WWP2: variants seen among roughly 807,000 people sequenced by gnomAD.
The protein encoded by WWP2 is WW domain containing E3 ubiquitin protein ligase 2.
A neutral mutation model predicts 121.0 loss-of-function variants in WWP2; 57 were observed. The observed-to-expected ratio is 0.47, with a 90% CI of 0.38 to 0.59. WWP2 has a LOEUF of 0.59. Ranked by LOEUF, WWP2 falls within the 20% of genes least tolerant of loss-of-function variation. WWP2 has a pLI of 0.00. For missense variants in WWP2, 962 were observed against 1,158.9 expected, an observed-to-expected ratio of 0.83 and a Z score of 2.47; for synonymous variants, 449 against 441.3, an observed-to-expected ratio of 1.02 and a Z score of -0.22.
At chr16:69,846,862 G>A (rs1054348539) in intron 6 of WWP2, among the ~76,000 whole-genome samples, 1 of 152,066 alleles carries the variant, frequency 6.6e-6, no homozygotes, top group Admixed American at 6.6e-5. Flanking sequence ...CTTTGCCTGG[G>A]TGGTGGCTCC....
chr16:69,909,765 G>T (rs1597146224), intron 9 of WWP2: 2 of 913,900 alleles, frequency 2.2e-6, no homozygotes, highest in African/African-American at 3.6e-5. Context: ...TTATGAAAAT[G>T]TTCTTATTAT....
chr16:69,929,578 C>T, intron 12 of WWP2, 49 bp downstream of exon 12: 1 of 1,541,768 alleles, frequency 6.5e-7, no homozygotes, highest in Non-Finnish European at 9.0e-7. Flanking sequence ...GGTCTCTGTG[C>T]AGCTCCAGCA....
chr16:69,925,623 G>T lies in WWP2; in HGVS notation c.1234+139G>T, dbSNP rs1216676162. On this transcript the variant is annotated intron_variant, in intron 11 of 23. Coordinates refer to ENST00000359154, the MANE Select transcript of WWP2 (RefSeq NM_001270454.2). This position sits in a 1 kb window ranked among gnomAD's most constrained non-coding sequence, Gnocchi z 4.0. Reference sequence around the variant, plus strand: ...CCTCTCCAGCACACTCTCTGGGCATGCCCCACCAGAGCAATTACAGGTGAT... The same window carrying T: ...CCTCTCCAGCACACTCTCTGGGCATTCCCCACCAGAGCAATTACAGGTGAT... The T allele has an allele frequency of 5.0e-6, 6 of 1,193,516 alleles. No individual in the cohort carries two copies. The East Asian group carries it at 1.2e-4, about 25-fold the overall frequency. The allele number at this position is 1,193,516 out of a possible 1,614,324, so 73.9% of individuals were successfully genotyped here. A position where few individuals can be genotyped will look rare whatever the true frequency, so the allele number is the denominator to read the frequency against.
chr16:69,797,356 A>G (rs1264791675), intron 2 of WWP2, among the ~76,000 whole-genome samples: 2 of 152,210 alleles, frequency 1.3e-5, no homozygotes, highest in African/African-American at 2.4e-5. Flanking sequence ...AATATGCAGC[A>G]TGATGTGGAA....
chr16:69,900,834 A>G (rs917713693), intron 8 of WWP2, among the ~76,000 whole-genome samples: 1 of 152,030 alleles, frequency 6.6e-6, no homozygotes, highest in African/African-American at 2.4e-5. Flanking sequence ...AGTGTTGCCA[A>G]CCTCTATTGA....
intron 10 of WWP2, among the ~76,000 whole-genome samples, chr16:69,923,370 T>A (rs2058592556): frequency 6.6e-6 from 1 of 151,848 alleles, no homozygotes; most frequent in South Asian, 2.1e-4. Flanking sequence ...CCAAGGAAAT[T>A]TTTTAAAAAC....
chr16:69,896,217 G>A (rs2058101995), intron 8 of WWP2, among the ~76,000 whole-genome samples: 1 of 152,040 alleles, frequency 6.6e-6, no homozygotes, highest in South Asian at 2.1e-4. Flanking sequence ...AACTTCCTTA[G>A]CTCAAGCAGT....
intron 1 of WWP2, among the ~76,000 whole-genome samples, chr16:69,764,839 T>C (rs1429747964): frequency 6.6e-6 from 1 of 152,208 alleles, no homozygotes; most frequent in Non-Finnish European, 1.5e-5. Context: ...TTTTATGTTA[T>C]AGTAAACGAT....
chr16:69,822,359 C>T (rs1048157059), intron 4 of WWP2, among the ~76,000 whole-genome samples: 1 of 152,170 alleles, frequency 6.6e-6, no homozygotes, highest in Non-Finnish European at 1.5e-5. Context: ...GAGGCTGGCG[C>T]TGAAGTGGTG....
chr16:69,770,858 C>T (rs887401857), intron 1 of WWP2, among the ~76,000 whole-genome samples: 28 of 151,112 alleles, frequency 1.9e-4, no homozygotes, highest in Admixed American at 8.6e-4. Context: ...TGGGGCTGGG[C>T]GTGGTGGCTC....
chr16:69,881,339 T>C (rs2057825826), intron 7 of WWP2, among the ~76,000 whole-genome samples: 1 of 152,216 alleles, frequency 6.6e-6, no homozygotes. Context: ...TCTGTGAGCC[T>C]CAGTTTTGTC....
At chr16:69,775,025 A>G (rs1221007570) in intron 1 of WWP2, 1 of 152,242 alleles carries the variant, frequency 6.6e-6, no homozygotes, top group East Asian at 1.9e-4. Flanking sequence ...TTTATATCAT[A>G]TAAATTTACG....
At chr16:69,865,527 C>G (rs549987950) in intron 6 of WWP2, among the ~76,000 whole-genome samples, 1 of 152,268 alleles carries the variant, frequency 6.6e-6, no homozygotes, top group South Asian at 2.1e-4. Flanking sequence ...GGTACCATAA[C>G]CTGCAGGCAG....
chr16:69,808,015 C>G (rs1744724420), intron 4 of WWP2, among the ~76,000 whole-genome samples: 1 of 152,138 alleles, frequency 6.6e-6, no homozygotes. Flanking sequence ...GTACATGTGT[C>G]CACAGCTGCG....
chr16:69,887,981 G>A (rs1351427256), intron 7 of WWP2, 58 bp from the exon 8 acceptor site: 2 of 1,592,014 alleles, frequency 1.3e-6, no homozygotes, highest in Non-Finnish European at 1.7e-6. Context: ...AACCTAGCAA[G>A]TATAAATAAA....
chr16:69,887,597 G>A (rs573364717), intron 7 of WWP2, among the ~76,000 whole-genome samples: 4 of 152,076 alleles, frequency 2.6e-5, no homozygotes, highest in Admixed American at 2.6e-4. Context: ...GCAGAGACGG[G>A]GTTTTGCCAT....
chr16:69,868,581 A>G (rs2057571085), intron 6 of WWP2, among the ~76,000 whole-genome samples: 1 of 152,090 alleles, frequency 6.6e-6, no homozygotes, highest in Non-Finnish European at 1.5e-5. Flanking sequence ...TTGTCCTAGT[A>G]AAGGGATCCT....
chr16:69,862,034 A>G (rs562547199), intron 6 of WWP2, among the ~76,000 whole-genome samples: 7 of 152,240 alleles, frequency 4.6e-5, no homozygotes, highest in South Asian at 2.1e-4. Flanking sequence ...TGCCTGTTTT[A>G]TAGGAGGAAA....
rs891643463 is a variant in WWP2 at position 69,841,627 on chromosome 16, T to C, written c.479-397T>C. 2.7e-4 allele frequency among the ~76,000 whole-genome samples: 41 copies of C among 152,196 alleles called. 2 individuals carry two copies. On this transcript the variant is annotated intron_variant, in intron 5 of 23. Coordinates refer to ENST00000359154, the MANE Select transcript of WWP2 (RefSeq NM_001270454.2). Reference sequence around the variant, plus strand: ...AGACTATGATGATCTGATTTGGCTTTGTAAAAGCTCTCTGGGTGTATTATG... The same window carrying C: ...AGACTATGATGATCTGATTTGGCTTCGTAAAAGCTCTCTGGGTGTATTATG...
Sources: gnomAD v4.1 joint callset for allele counts (sites outside exome capture counted in the v4.1 genomes callset) on GRCh38, gnomAD v4.1.1 for gene constraint, Gnocchi (gnomAD v3.1) non-coding constraint, MANE v1.5 for transcripts, NCBI Gene and HGNC (gene_info 2026-07-23, HGNC 2026-07-21) for gene names.